Variants in MLLT3 observed in about 807,000 individuals in gnomAD.
The protein encoded by MLLT3 is protein AF-9.
A neutral mutation model predicts 53.2 loss-of-function variants in MLLT3; 4 were observed. The observed-to-expected ratio is 0.08, with a 90% CI of 0.04 to 0.17. The LOEUF is 0.17. Ranked by LOEUF, MLLT3 falls within the 10% of genes least tolerant of loss-of-function variation. The pLI, the probability that MLLT3 is intolerant of heterozygous loss-of-function variation, is 1.00. For missense variants in MLLT3, 569 were observed against 684.0 expected (o/e 0.83, Z 1.87); for synonymous variants, 283 against 230.6 (o/e 1.23, Z -2.06).
chr9:20,516,341 C>A (rs1248019176), intron 2 of MLLT3, among the ~76,000 whole-genome samples: 3 of 152,150 alleles, frequency 2.0e-5, no homozygotes, highest in Admixed American at 6.5e-5. Flanking sequence ...TAGAAAAGCA[C>A]AACACTCTAC....
chr9:20,384,801 A>C (rs1821992737), intron 5 of MLLT3, among the ~76,000 whole-genome samples: 1 of 152,120 alleles, frequency 6.6e-6, no homozygotes, highest in South Asian at 2.1e-4. Flanking sequence ...CTAAAACTGC[A>C]AAGTTTTACT....
chr9:20,534,991 G>C (rs552362578), intron 2 of MLLT3, among the ~76,000 whole-genome samples: 17 of 152,320 alleles, frequency 1.1e-4, no homozygotes, highest in African/African-American at 3.8e-4. Flanking sequence ...GCTCAAACAA[G>C]AATGAGCAGA....
At chr9:20,374,935 C>T (rs777232640) in intron 5 of MLLT3, among the ~76,000 whole-genome samples, 1 of 152,138 alleles carries the variant, frequency 6.6e-6, no homozygotes, top group African/African-American at 2.4e-5. Flanking sequence ...AGGTCATGAA[C>T]GTAGGGCCCT....
At chr9:20,590,213 C>T (rs1018326388) in intron 2 of MLLT3, among the ~76,000 whole-genome samples, 1 of 152,158 alleles carries the variant, frequency 6.6e-6, no homozygotes, top group African/African-American at 2.4e-5. Context: ...CTCCAAGATT[C>T]TTAACATCCT....
At chr9:20,538,662 T>G (rs1818546053) in intron 2 of MLLT3, among the ~76,000 whole-genome samples, 1 of 152,178 alleles carries the variant, frequency 6.6e-6, no homozygotes, top group Non-Finnish European at 1.5e-5. Context: ...AATGCAAAAA[T>G]TTATAAACTA....
intron 2 of MLLT3, among the ~76,000 whole-genome samples, chr9:20,605,281 T>C (rs1293847598): frequency 6.6e-6 from 1 of 152,138 alleles, no homozygotes; most frequent in Non-Finnish European, 1.5e-5. Flanking sequence ...TATCATCATC[T>C]GGTTACTATC....
Position 20,399,650 on chromosome 9 carries a change from AAT to A in MLLT3, c.1125+14069_1125+14070del, listed in dbSNP as rs563373361. Among the ~76,000 whole-genome samples, 61 of 152,290 alleles carry A rather than the reference AAT, an allele frequency of 4.0e-4. 2 individuals are homozygous for A. In the South Asian group the frequency reaches 0.012, roughly 30 times the overall value. ...TATACTGGGACATGAGACAGCATGG[AAT>A]AGTCAAGGAATCATGGATTGCTAAT... On this transcript the variant is annotated intron_variant, in intron 5 of 10. Transcript: ENST00000380338.
chr9:20,477,052 G>A (rs936463887), intron 2 of MLLT3, among the ~76,000 whole-genome samples: 8 of 152,096 alleles, frequency 5.3e-5, no homozygotes, highest in Non-Finnish European at 1.0e-4. Flanking sequence ...ACTCTGACTA[G>A]AACAGGGATA....
intron 2 of MLLT3, among the ~76,000 whole-genome samples, chr9:20,614,763 GA>G (rs1397874115): frequency 6.6e-6 from 1 of 152,056 alleles, no homozygotes; most frequent in Non-Finnish European, 1.5e-5. Flanking sequence ...TTCAAAACAA[GA>G]AAAGTTCTAT....
At chr9:20,550,075 C>A (rs1300032555) in intron 2 of MLLT3, among the ~76,000 whole-genome samples, 3 of 152,188 alleles carry the variant, frequency 2.0e-5, no homozygotes, top group Admixed American at 6.5e-5. Flanking sequence ...ATAATGGGGG[C>A]ATGGACACAC....
In MLLT3 at chr9:20,620,576, G is replaced by A. The variant is rs2073855; in HGVS notation, c.193+78C>T. On this transcript the variant is annotated intron_variant, in intron 2 of 10. Coordinates refer to ENST00000380338, the MANE Select transcript of MLLT3 (RefSeq NM_004529.4). This position sits in a 1 kb window ranked among gnomAD's most constrained non-coding sequence, Gnocchi z 6.1. ...GAGCGCGGCGCGGGGGGCGGGGAGC[G>A]GGACAGCGGGACCGCCCGGGCCAAG... 642,863 of 1,324,926 alleles carry A rather than the reference G, an allele frequency of 0.49. 157,681 individuals carry two copies. The highest frequency in any genetic ancestry group is 0.57 in the Middle Eastern group (2,918 of 5,148). The allele number at this position is 1,324,926 out of a possible 1,614,324, so 82.1% of individuals were successfully genotyped here. A position where few individuals can be genotyped will look rare whatever the true frequency, so the allele number is the denominator to read the frequency against.
At chr9:20,565,643 C>T (rs561715329) in intron 2 of MLLT3, among the ~76,000 whole-genome samples, 4 of 151,772 alleles carry the variant, frequency 2.6e-5, no homozygotes, top group Non-Finnish European at 5.9e-5. Context: ...AACCTAACCA[C>T]GAATTACGGT....
intron 2 of MLLT3, among the ~76,000 whole-genome samples, chr9:20,576,044 A>G (rs1437539669): frequency 6.6e-6 from 1 of 152,234 alleles, no homozygotes; most frequent in Non-Finnish European, 1.5e-5. Flanking sequence ...GATCTTAGCT[A>G]GATCTTCTGG....
chr9:20,459,785 T>C (rs1824064629), intron 2 of MLLT3, among the ~76,000 whole-genome samples: 2 of 152,196 alleles, frequency 1.3e-5, no homozygotes, highest in South Asian at 4.1e-4. Context: ...GAAGTGTGAT[T>C]TTATAAGAAA....
At chr9:20,526,766 C>T (rs912995197) in intron 2 of MLLT3, among the ~76,000 whole-genome samples, 18 of 152,142 alleles carry the variant, frequency 1.2e-4, no homozygotes, top group Non-Finnish European at 2.9e-5. Flanking sequence ...TTTACATTCC[C>T]ACCAGCAGAG....
intron 3 of MLLT3, among the ~76,000 whole-genome samples, chr9:20,453,841 C>T (rs1586960337): frequency 6.6e-6 from 1 of 152,078 alleles, no homozygotes; most frequent in Admixed American, 6.6e-5. Flanking sequence ...ACATAATTAC[C>T]ATTTATTAAT....
In MLLT3 at chr9:20,345,331, T is replaced by G. The variant is rs1587134036; in HGVS notation, c.*1112A>C. The G allele has an allele frequency of 4.7e-6, 1 of 211,498 alleles. No homozygotes were observed. The highest frequency in any genetic ancestry group is 7.1e-5 in the East Asian group (1 of 14,012). The allele number at this position is 211,498 out of a possible 1,614,324, so 13.1% of individuals were successfully genotyped here. Reference sequence around the variant, plus strand: ...TAATTTTTTCAAATATAAAAGTGTCTAAGAGAATCATATGTGAACAAACAA... The same window carrying G: ...TAATTTTTTCAAATATAAAAGTGTCGAAGAGAATCATATGTGAACAAACAA... On this transcript the variant is annotated 3_prime_UTR_variant, in exon 11 of 11. Transcript: ENST00000380338.
chr9:20,622,299 C>G lies in MLLT3; in HGVS notation c.-43G>C. The G allele has an allele frequency of 2.0e-6, 3 of 1,509,526 alleles. No individual in the cohort carries two copies. Among genetic ancestry groups the G allele is most frequent in the Non-Finnish European group, 2.7e-6 (3 of 1,121,760 alleles). The allele number at this position is 1,509,526 out of a possible 1,614,324, so 93.5% of individuals were successfully genotyped here. A position where few individuals can be genotyped will look rare whatever the true frequency, so the allele number is the denominator to read the frequency against. On this transcript the variant is annotated 5_prime_UTR_variant, in exon 1 of 11. Coordinates refer to ENST00000380338, the MANE Select transcript of MLLT3 (RefSeq NM_004529.4). ...TTTGCTGGGGTGTTGTGTGGTACCC[C>G]CCCCTCCTCCGCCCCCCCTCAGCTG...
intron 2 of MLLT3, among the ~76,000 whole-genome samples, chr9:20,606,193 G>C (rs1164946576): frequency 1.3e-5 from 2 of 152,036 alleles, no homozygotes; most frequent in African/African-American, 4.8e-5. Context: ...CCCACTGCCT[G>C]TAAAATCTCC....
Sources: gnomAD v4.1 joint callset for allele counts (sites outside exome capture counted in the v4.1 genomes callset) on GRCh38, gnomAD v4.1.1 for gene constraint, Gnocchi (gnomAD v3.1) non-coding constraint, MANE v1.5 for transcripts, NCBI Gene and HGNC (gene_info 2026-07-23, HGNC 2026-07-21) for gene names.